The following RAD51B variants were observed in gnomAD, a reference collection of about 807,000 sequenced individuals.
The protein encoded by RAD51B is RAD51 paralog B, also known as DNA repair protein RAD51 homolog 2.
A neutral mutation model predicts 42.2 loss-of-function variants in RAD51B; 38 were observed. The ratio of observed to expected loss-of-function variants is 0.90; its 90% confidence interval spans 0.70 to 1.18. The LOEUF (loss-of-function observed/expected upper bound fraction) is 1.18, where lower values mean the gene tolerates loss of function less well. Among genes scored for constraint, RAD51B ranks in the 50% most tolerant of loss-of-function variants. The probability of loss-of-function intolerance (pLI) is 0.00; values close to 1 mark genes in which losing one functional copy is unlikely to be tolerated. For missense variants in RAD51B, 373 were observed against 400.7 expected (o/e 0.93, Z 0.59); for synonymous variants, 154 against 145.2 (o/e 1.06, Z -0.43).
At chr14:68,253,152 T>A (rs565137234) in intron 7 of RAD51B, among the ~76,000 whole-genome samples, 4 of 151,946 alleles carry the variant, frequency 2.6e-5, no homozygotes, top group African/African-American at 9.7e-5. Flanking sequence ...CAGAAAAATA[T>A]AAAGAAGAAA....
chr14:67,852,770 T>C lies in RAD51B; in HGVS notation c.316-12233T>C, dbSNP rs536008687. ...GTGTGTAAACATATGTACGCATGCA[T>C]GTGTGTATGTGTATAATTAAAAAAA... On this transcript the variant is annotated intron_variant, in intron 4 of 10. Transcript: ENST00000471583. 2.0e-5 allele frequency among the ~76,000 whole-genome samples: 3 copies of C among 148,410 alleles called. No individual in the cohort carries two copies. In the South Asian group the frequency reaches 6.4e-4, roughly 32 times the overall value.
intron 7 of RAD51B, among the ~76,000 whole-genome samples, chr14:67,898,139 A>T (rs549368215): frequency 6.6e-6 from 1 of 152,256 alleles, no homozygotes; most frequent in African/African-American, 2.4e-5. Context: ...TCATTGTAGG[A>T]TTATTCCCAA....
At chr14:68,352,084 T>C (rs1344723318) in intron 8 of RAD51B, among the ~76,000 whole-genome samples, 1 of 152,158 alleles carries the variant, frequency 6.6e-6, no homozygotes, top group Non-Finnish European at 1.5e-5. Context: ...GATATAGGTG[T>C]ACTGGAGCTC....
chr14:68,154,504 C>A (rs192005794), intron 7 of RAD51B, among the ~76,000 whole-genome samples: 1 of 152,304 alleles, frequency 6.6e-6, no homozygotes, highest in East Asian at 1.9e-4. Context: ...CTAATCAGTA[C>A]TCTGATGAAT....
intron 9 of RAD51B, among the ~76,000 whole-genome samples, chr14:68,465,715 G>A (rs948544459): frequency 1.3e-5 from 2 of 152,060 alleles, no homozygotes; most frequent in Non-Finnish European, 2.9e-5. Flanking sequence ...GCCAGGGCAG[G>A]CGGATCACGA....
At chr14:67,911,461 A>G (rs2140114944) in intron 7 of RAD51B, among the ~76,000 whole-genome samples, 1 of 152,226 alleles carries the variant, frequency 6.6e-6, no homozygotes, top group Non-Finnish European at 1.5e-5. Flanking sequence ...TCCTGATATG[A>G]CATTCTGGAG....
At chr14:67,957,066 C>G (rs1484059709) in intron 7 of RAD51B, among the ~76,000 whole-genome samples, 1 of 152,150 alleles carries the variant, frequency 6.6e-6, no homozygotes, top group Non-Finnish European at 1.5e-5. Flanking sequence ...ACCTTTCAAT[C>G]TTGTGGGACA....
chr14:67,835,992 A>G (rs1197269157), intron 4 of RAD51B, among the ~76,000 whole-genome samples: 2 of 152,262 alleles, frequency 1.3e-5, no homozygotes, highest in African/African-American at 4.8e-5. Flanking sequence ...GTATTAAACT[A>G]AAGTGAGCTG....
At chr14:68,458,305 A>G (rs1176901772) in intron 9 of RAD51B, among the ~76,000 whole-genome samples, 1 of 152,224 alleles carries the variant, frequency 6.6e-6, no homozygotes. Flanking sequence ...GTTTATGGGT[A>G]TTCACTATAA....
At chr14:68,591,150 G>A (rs1243921126) in intron 10 of RAD51B, among the ~76,000 whole-genome samples, 2 of 152,296 alleles carry the variant, frequency 1.3e-5, no homozygotes, top group Middle Eastern at 3.4e-3. Context: ...TCCCCAGTGG[G>A]TTAAGAGAGG....
intron 7 of RAD51B, among the ~76,000 whole-genome samples, chr14:68,127,604 AACACACACACAC>A (rs1158570155): frequency 0.12 from 16,054 of 133,540 alleles, 1,021 homozygotes; most frequent in Middle Eastern, 0.23. Context: ...TGTACATTGT[AACACACACACAC>A]ACACACACAC....
intron 7 of RAD51B, among the ~76,000 whole-genome samples, chr14:68,211,915 C>T (rs1295780): frequency 0.17 from 26,603 of 152,238 alleles, 2,493 homozygotes; most frequent in Middle Eastern, 0.36. Context: ...CAAATGCCTC[C>T]TATTATGATG....
chr14:68,393,535 G>A (rs1008115191), intron 8 of RAD51B, among the ~76,000 whole-genome samples: 6 of 152,202 alleles, frequency 3.9e-5, no homozygotes, highest in African/African-American at 1.2e-4. Context: ...TGTTTATAAG[G>A]TTGATTAGTA....
chr14:68,435,332 T>A (rs1280988004), intron 9 of RAD51B, among the ~76,000 whole-genome samples: 1 of 152,158 alleles, frequency 6.6e-6, no homozygotes, highest in East Asian at 1.9e-4. Context: ...TCCAGCTGCA[T>A]CCATGTTGCT....
chr14:67,903,125 T>G (rs1050859182), intron 7 of RAD51B, among the ~76,000 whole-genome samples: 1 of 152,210 alleles, frequency 6.6e-6, no homozygotes, highest in African/African-American at 2.4e-5. Flanking sequence ...CCCAAAGTGC[T>G]GGGATTACAG....
chr14:68,549,226 AC>A (rs1888388002), intron 10 of RAD51B, among the ~76,000 whole-genome samples: 1 of 151,780 alleles, frequency 6.6e-6, no homozygotes, highest in Admixed American at 6.6e-5. Flanking sequence ...TTTTTGAGCC[AC>A]AGTCTATAGT....
intron 10 of RAD51B, among the ~76,000 whole-genome samples, chr14:68,517,991 G>A (rs947813180): frequency 1.3e-5 from 2 of 152,086 alleles, no homozygotes; most frequent in East Asian, 3.9e-4. Context: ...GTGGGCTGAG[G>A]AAAACATCCT....
At chr14:68,024,817 A>G (rs1341332230) in intron 7 of RAD51B, among the ~76,000 whole-genome samples, 1 of 151,936 alleles carries the variant, frequency 6.6e-6, no homozygotes, top group Non-Finnish European at 1.5e-5. Context: ...TTCTTTTCCT[A>G]TTTGGATGCC....
intron 8 of RAD51B, among the ~76,000 whole-genome samples, chr14:68,303,628 C>A (rs1421707009): frequency 6.6e-6 from 1 of 152,046 alleles, no homozygotes; most frequent in Non-Finnish European, 1.5e-5. Context: ...TGGGGTTAGC[C>A]CTAAACTTCT....
Sources: gnomAD v4.1 joint callset for allele counts (sites outside exome capture counted in the v4.1 genomes callset) on GRCh38, gnomAD v4.1.1 for gene constraint, MANE v1.5 for transcripts, NCBI Gene and HGNC (gene_info 2026-07-23, HGNC 2026-07-21) for gene names.